CBFA2T3: variants seen among roughly 807,000 people sequenced by gnomAD.
The protein encoded by CBFA2T3 is transcriptional corepressor CBFA2T3.
In CBFA2T3, 31 loss-of-function variants were observed where a neutral mutation model predicts 58.6. The observed-to-expected ratio is 0.53, with a 90% CI of 0.40 to 0.71. CBFA2T3 has a LOEUF of 0.71. Ranked by LOEUF, CBFA2T3 falls within the 30% of genes least tolerant of loss-of-function variation. The pLI, the probability that CBFA2T3 is intolerant of heterozygous loss-of-function variation, is 0.00. For missense variants in CBFA2T3, 1,076 were observed against 963.1 expected, an observed-to-expected ratio of 1.12 and a Z score of -1.55; for synonymous variants, 531 against 421.9, an observed-to-expected ratio of 1.26 and a Z score of -3.17.
rs1434279017 is a variant in CBFA2T3 at position 88,975,533 on chromosome 16, T to C, written c.151+1124A>G. 1.3e-5 allele frequency among the ~76,000 whole-genome samples: 2 copies of C among 152,224 alleles called. 1 individual carries two copies. Among genetic ancestry groups the C allele is most frequent in the African/African-American group, 4.8e-5 (2 of 41,462 alleles). On this transcript the variant is annotated intron_variant, in intron 1 of 11. Coordinates refer to ENST00000268679, the MANE Select transcript of CBFA2T3 (RefSeq NM_005187.6). ...CCCAAGGCCACTCAGCGCCAGGGGA[T>C]AGACAGGGCCGCTCCAGAGAGGACG...
chr16:88,882,807 C>T, intron 7 of CBFA2T3, 46 bp from the exon 8 acceptor site: 1 of 1,301,754 alleles, frequency 7.7e-7, no homozygotes, highest in East Asian at 2.5e-5. Context: ...CACAGCCAGT[C>T]TCTGCCCTAT....
In CBFA2T3 at chr16:88,875,079, CGCCACGCGCACAGATGCCAGGCCACGG is replaced by C. The variant is rs1567568373; in HGVS notation, c.*1870_*1896del. 1.3e-5 allele frequency: 3 copies of C among 235,032 alleles called. No individual in the cohort carries two copies. Among genetic ancestry groups the C allele is most frequent in the South Asian group, 3.1e-4 (2 of 6,498 alleles). 14.6% of individuals were successfully genotyped at this position (235,032 alleles called of 1,614,324 possible). A position where few individuals can be genotyped will look rare whatever the true frequency, so the allele number is the denominator to read the frequency against. On this transcript the variant is annotated 3_prime_UTR_variant, in exon 12 of 12. Coordinates refer to ENST00000268679, the MANE Select transcript of CBFA2T3 (RefSeq NM_005187.6). ...CACACAGATGCCAGGCCACGGGCCA[CGCCACGCGCACAGATGCCAGGCCACGG>C]GCCACGCCACACACACAGATGCCAG...
At chr16:88,903,666 G>GC (rs5818690) in intron 1 of CBFA2T3, among the ~76,000 whole-genome samples, 1 of 135,684 alleles carries the variant, frequency 7.4e-6, no homozygotes, top group Non-Finnish European at 1.6e-5. Context: ...GGCTGGGGGG[G>GC]GGGGCGTTCC....
chr16:88,923,780 C>T (rs1204481161), intron 1 of CBFA2T3, among the ~76,000 whole-genome samples: 5 of 152,190 alleles, frequency 3.3e-5, no homozygotes, highest in Admixed American at 2.0e-4. Flanking sequence ...GGCTGGACAC[C>T]GGCACCGTCT....
At chr16:88,889,384 GA>G (rs1468106782) in intron 5 of CBFA2T3, among the ~76,000 whole-genome samples, 2 of 60,200 alleles carry the variant, frequency 3.3e-5, no homozygotes, top group Non-Finnish European at 5.9e-5. Flanking sequence ...GGGAGGGCAG[GA>G]AAAAGCAGAG....
intron 1 of CBFA2T3, among the ~76,000 whole-genome samples, chr16:88,970,440 G>A (rs951886615): frequency 4.6e-5 from 7 of 152,224 alleles, no homozygotes; most frequent in African/African-American, 1.4e-4. Context: ...GAGGGTCCCT[G>A]GCAGAGATGC....
At chr16:88,950,555 C>T (rs1169448179) in intron 1 of CBFA2T3, 5 of 431,402 alleles carry the variant, frequency 1.2e-5, no homozygotes, top group Non-Finnish European at 2.3e-5. Flanking sequence ...GGACCGGCAC[C>T]GCCACAGAGG....
At chr16:88,920,218 C>G (rs918983113) in intron 1 of CBFA2T3, among the ~76,000 whole-genome samples, 3 of 152,216 alleles carry the variant, frequency 2.0e-5, no homozygotes, top group African/African-American at 4.8e-5. Flanking sequence ...GTCGCTGGAG[C>G]CCCAACTGGC....
intron 1 of CBFA2T3, among the ~76,000 whole-genome samples, chr16:88,907,935 G>A (rs369173070): frequency 4.6e-5 from 7 of 152,246 alleles, no homozygotes; most frequent in African/African-American, 1.4e-4. Context: ...AAGGGTCTGG[G>A]CATGCAGGAA....
intron 1 of CBFA2T3, among the ~76,000 whole-genome samples, chr16:88,944,068 T>C (rs1312690669): frequency 6.6e-6 from 1 of 151,976 alleles, no homozygotes. Flanking sequence ...CCGGGTGCGG[T>C]GGGTCACGCC....
chr16:88,923,176 G>T (rs949045693), intron 1 of CBFA2T3, among the ~76,000 whole-genome samples: 2 of 152,228 alleles, frequency 1.3e-5, no homozygotes, highest in African/African-American at 4.8e-5. Context: ...CGAGCTGGGA[G>T]CACAGCTTTG....
At chr16:88,942,840 G>T (rs572616519) in intron 1 of CBFA2T3, among the ~76,000 whole-genome samples, 1 of 149,226 alleles carries the variant, frequency 6.7e-6, no homozygotes, top group South Asian at 2.1e-4. Flanking sequence ...TTGTGGAATG[G>T]AGGTTTTCAG....
Position 88,879,330 on chromosome 16 carries a change from C to A in CBFA2T3, c.1602G>T (p.Ala534=). The part of the protein sequence containing the change: ...RAKMERALAE[A]KRQASEDALT... ...GGGCGTCCTCGGAGGCCTGCCGCTTCGCCTCGGCCAGGGCCCGCTCCATCT... is the reference window on the plus strand; with the variant it reads ...GGGCGTCCTCGGAGGCCTGCCGCTTAGCCTCGGCCAGGGCCCGCTCCATCT... Residue 534 remains alanine (A), a synonymous_variant, in exon 11 of 12, where the codon GCG becomes GCT. Transcript: ENST00000268679. 1 of 1,611,196 alleles carries A rather than the reference C, an allele frequency of 6.2e-7. No homozygotes were observed. Among genetic ancestry groups the A allele is most frequent in the Non-Finnish European group, 8.5e-7 (1 of 1,178,722 alleles).
chr16:88,896,841 G>A (rs1319069308), intron 3 of CBFA2T3, among the ~76,000 whole-genome samples: 6 of 152,120 alleles, frequency 3.9e-5, no homozygotes, highest in East Asian at 1.9e-4. Context: ...GCCTTGCCCC[G>A]GGTGCCTGGT....
At chr16:88,911,269 T>C (rs1413790857) in intron 1 of CBFA2T3, among the ~76,000 whole-genome samples, 1 of 152,190 alleles carries the variant, frequency 6.6e-6, no homozygotes, top group African/African-American at 2.4e-5. Context: ...GGCACGGGGT[T>C]GCCATGGCAA....
At position 88,882,710 on chromosome 16, in the gene CBFA2T3, C is replaced by T. The variant is rs200819078; in HGVS notation, c.1169G>A (p.Arg390His). The change falls in exon 8 of 12, where the codon CGT becomes CAT. Residue 390 changes from arginine (R) to histidine (H), a missense_variant. Physicochemically the swap from Arg to His is conservative, Grantham distance 29 (BLOSUM62 0). Transcript: ENST00000268679. ...GTGCTTCCACTCTTCTGCCCACTCA[C>T]GCTCTGTGAGCTTGTGGTCGATCAC... Reference protein sequence around the residue: ...EEVIDHKLTEREWAEEWKHLN... With the variant: ...EEVIDHKLTEHEWAEEWKHLN... The T allele has an allele frequency of 1.1e-5, 18 of 1,590,982 alleles. No homozygotes were observed. The highest frequency in any genetic ancestry group is 5.7e-5 in the South Asian group (5 of 87,414).
intron 3 of CBFA2T3, 114 bp downstream of exon 3, chr16:88,897,964 G>A (rs1463879422): frequency 6.4e-6 from 5 of 783,350 alleles, no homozygotes; most frequent in African/African-American, 3.4e-5. Context: ...AATGCTGAGG[G>A]TGCGGAGGCC....
In CBFA2T3 at chr16:88,878,098, C is replaced by T. The variant is rs1024423155; in HGVS notation, c.1663-823G>A. Among the ~76,000 whole-genome samples, 7 of 152,242 alleles carry T rather than the reference C, an allele frequency of 4.6e-5. No individual in the cohort carries two copies. In the South Asian group the frequency reaches 8.3e-4, roughly 18 times the overall value. On this transcript the variant is annotated intron_variant, in intron 11 of 11. Transcript: ENST00000268679. ...TGCCGGTCCCTCCGCTGGGCCCGCT[C>T]CCCCGATGCCTGCGTGGCCAGCTTC...
intron 1 of CBFA2T3, among the ~76,000 whole-genome samples, chr16:88,923,130 G>C (rs1333842866): frequency 6.6e-6 from 1 of 152,218 alleles, no homozygotes; most frequent in African/African-American, 2.4e-5. Flanking sequence ...AGACGCGGGG[G>C]AGTTTGTGAT....
Sources: gnomAD v4.1 joint callset for allele counts (sites outside exome capture counted in the v4.1 genomes callset) on GRCh38, gnomAD v4.1.1 for gene constraint, MANE v1.5 for transcripts, NCBI Gene and HGNC (gene_info 2026-07-23, HGNC 2026-07-21) for gene names.